SPON1: variants seen among roughly 807,000 people sequenced by gnomAD.
The protein encoded by SPON1 is spondin-1.
A neutral mutation model predicts 111.7 loss-of-function variants in SPON1; 52 were observed. The observed-to-expected ratio is 0.47, with a 90% CI of 0.37 to 0.59. SPON1 has a LOEUF of 0.59. SPON1 is among the 20% of genes least tolerant of loss of function. The probability of loss-of-function intolerance (pLI) is 0.00; values close to 1 mark genes in which losing one functional copy is unlikely to be tolerated. For synonymous variants in SPON1, 410 were observed against 395.8 expected, an observed-to-expected ratio of 1.04 and a Z score of -0.43; for missense variants, 957 against 1,068.5, an observed-to-expected ratio of 0.90 and a Z score of 1.46.
chr11:14,130,877 T>G (rs112931857), intron 5 of SPON1, among the ~76,000 whole-genome samples: 247 of 151,816 alleles, frequency 1.6e-3, no homozygotes, highest in African/African-American at 5.8e-3. Context: ...TCATAAAAAA[T>G]GCCTTCCTTT....
In SPON1 at chr11:14,228,884, T is replaced by G. The variant is rs2133910577; in HGVS notation, c.826-14448T>G. ...GAGATGATCCTTAATATGTACACAATCTATTATTTTATTCTCACAAAAATA... is the reference window on the plus strand; with the variant it reads ...GAGATGATCCTTAATATGTACACAAGCTATTATTTTATTCTCACAAAAATA... On this transcript the variant is annotated intron_variant, in intron 6 of 15. Transcript: ENST00000576479. The surrounding 1 kb of genome is among the most constrained non-coding windows in gnomAD (Gnocchi z 4.2). Among the ~76,000 whole-genome samples, 1 of 152,332 alleles carries G rather than the reference T, an allele frequency of 6.6e-6. No homozygotes were observed. The highest frequency in any genetic ancestry group is 6.5e-5 in the Admixed American group (1 of 15,304).
At chr11:14,212,878 G>A (rs11023144) in intron 6 of SPON1, among the ~76,000 whole-genome samples, 6 of 152,124 alleles carry the variant, frequency 3.9e-5, no homozygotes, top group Non-Finnish European at 7.3e-5. Flanking sequence ...ATCATTTGTG[G>A]GTGGATCATC....
chr11:14,090,424 C>T (rs890732345), intron 5 of SPON1, among the ~76,000 whole-genome samples: 22 of 152,072 alleles, frequency 1.4e-4, no homozygotes, highest in African/African-American at 2.2e-4. Context: ...AGAATGAAGC[C>T]GCGGACCCTC....
At chr11:14,073,986 C>A (rs1283657827) in intron 3 of SPON1, among the ~76,000 whole-genome samples, 1 of 152,190 alleles carries the variant, frequency 6.6e-6, no homozygotes, top group East Asian at 1.9e-4. Context: ...TTCCCCTCCA[C>A]AGAGGTCCTG....
At chr11:14,258,584 G>C (rs1369458702) in intron 11 of SPON1, among the ~76,000 whole-genome samples, 2 of 152,168 alleles carry the variant, frequency 1.3e-5, no homozygotes, top group Non-Finnish European at 2.9e-5. Context: ...CACTGTATAG[G>C]CTGGACTGGT....
intron 6 of SPON1, among the ~76,000 whole-genome samples, chr11:14,149,111 C>T (rs1847758432): frequency 6.6e-6 from 1 of 152,054 alleles, no homozygotes; most frequent in African/African-American, 2.4e-5. Flanking sequence ...CAGCCTCAGG[C>T]AAGTCCTTCA....
At chr11:14,065,611 T>C (rs964514831) in intron 3 of SPON1, among the ~76,000 whole-genome samples, 2 of 152,120 alleles carry the variant, frequency 1.3e-5, no homozygotes, top group African/African-American at 4.8e-5. Flanking sequence ...TTGACCTTAA[T>C]CTTTAGGAAA....
Position 13,962,775 on chromosome 11 carries a change from CGCGGACGCCA to C in SPON1, c.-127_-118del. The stretch of plus-strand genomic sequence containing the variant: ...GCCGAGGCGGGCACGGTCTCCGAGT[CGCGGACGCCA>C]GCTCCGAGCTCCCTCTCTCCGCCGC... On this transcript the variant is annotated 5_prime_UTR_variant, in exon 1 of 16. Coordinates refer to ENST00000576479, the MANE Select transcript of SPON1 (RefSeq NM_006108.4). 1 of 834,516 alleles carries C rather than the reference CGCGGACGCCA, an allele frequency of 1.2e-6. No homozygotes were observed. 51.7% of individuals were successfully genotyped at this position (834,516 alleles called of 1,614,324 possible). A position where few individuals can be genotyped will look rare whatever the true frequency, so the allele number is the denominator to read the frequency against.
At chr11:13,981,993 T>G (rs1848147942) in intron 1 of SPON1, among the ~76,000 whole-genome samples, 1 of 152,210 alleles carries the variant, frequency 6.6e-6, no homozygotes, top group Non-Finnish European at 1.5e-5. Flanking sequence ...TTTTGCTTTC[T>G]GTGGTTTCAG....
intron 4 of SPON1, among the ~76,000 whole-genome samples, chr11:14,077,471 C>T (rs575945843): frequency 3.3e-5 from 5 of 151,506 alleles, no homozygotes; most frequent in African/African-American, 1.2e-4. Context: ...TTCACTCTGT[C>T]ACCCAGGCTG....
At chr11:14,217,558 T>C (rs1848638227) in intron 6 of SPON1, among the ~76,000 whole-genome samples, 3 of 152,282 alleles carry the variant, frequency 2.0e-5, no homozygotes, top group African/African-American at 7.2e-5. Flanking sequence ...ACTTCACTTA[T>C]TTATTGTTGA....
chr11:14,133,804 G>A (rs1175074336), intron 5 of SPON1, among the ~76,000 whole-genome samples: 1 of 152,210 alleles, frequency 6.6e-6, no homozygotes, highest in Non-Finnish European at 1.5e-5. Flanking sequence ...GAGAGATGAA[G>A]GATAAACATG....
At chr11:14,136,650 C>A (rs897657197) in intron 6 of SPON1, among the ~76,000 whole-genome samples, 7 of 152,198 alleles carry the variant, frequency 4.6e-5, no homozygotes, top group African/African-American at 9.6e-5. Flanking sequence ...TATAAATCCC[C>A]TGAGGAATCA....
chr11:14,201,589 G>A (rs2133897003), intron 6 of SPON1, among the ~76,000 whole-genome samples: 1 of 151,990 alleles, frequency 6.6e-6, no homozygotes, highest in East Asian at 1.9e-4. Flanking sequence ...GAAGAGATGA[G>A]GTCTCACTAT....
rs189996798 is a variant in SPON1 at position 14,205,955 on chromosome 11, C to T, written c.826-37377C>T. Among the ~76,000 whole-genome samples, 228 of 152,246 alleles carry T rather than the reference C, an allele frequency of 1.5e-3. 2 individuals are homozygous for T. The South Asian group carries it at 0.026, about 17-fold the overall frequency. On this transcript the variant is annotated intron_variant, in intron 6 of 15. Transcript: ENST00000576479. ...TCCCAACACTTGCTACTTTCCCCATCCATCTTCACCTGCTTGATTCCTGAT... is the reference window on the plus strand; with the variant it reads ...TCCCAACACTTGCTACTTTCCCCATTCATCTTCACCTGCTTGATTCCTGAT...
At chr11:13,969,153 G>T (rs1436801542) in intron 1 of SPON1, among the ~76,000 whole-genome samples, 1 of 148,220 alleles carries the variant, frequency 6.7e-6, no homozygotes, top group African/African-American at 2.5e-5. Flanking sequence ...GCTGAGACAG[G>T]TGGATTGCTT....
At chr11:14,245,109 C>T (rs1324493816) in intron 7 of SPON1, among the ~76,000 whole-genome samples, 4 of 152,120 alleles carry the variant, frequency 2.6e-5, no homozygotes, top group Non-Finnish European at 5.9e-5. Context: ...TGAGATGCTG[C>T]TCAGTGGGAG....
At chr11:14,000,192 T>A (rs1848306357) in intron 2 of SPON1, among the ~76,000 whole-genome samples, 1 of 152,120 alleles carries the variant, frequency 6.6e-6, no homozygotes, top group Non-Finnish European at 1.5e-5. Context: ...GGCATGGATA[T>A]ATGCCTCAAA....
chr11:14,261,838 C>T (rs782242092), intron 14 of SPON1, among the ~76,000 whole-genome samples: 1 of 151,914 alleles, frequency 6.6e-6, no homozygotes, highest in Non-Finnish European at 1.5e-5. Flanking sequence ...TTAATCCTTA[C>T]AACCTAATGA....
Sources: allele counts gnomAD v4.1 joint callset (sites outside exome capture counted in the v4.1 genomes callset), GRCh38; gene constraint gnomAD v4.1.1; non-coding constraint Gnocchi (gnomAD v3.1); transcripts MANE v1.5; gene names NCBI Gene and HGNC (gene_info 2026-07-23, HGNC 2026-07-21).